ARHGAP28: variants seen among roughly 807,000 people sequenced by gnomAD.
ARHGAP28 encodes the protein Rho GTPase activating protein 28.
Under a neutral mutation model 90.7 loss-of-function variants are expected in ARHGAP28, and 56 were observed. The ratio of observed to expected loss-of-function variants is 0.62; its 90% confidence interval spans 0.50 to 0.77. The LOEUF is 0.77. Among genes scored for constraint, ARHGAP28 ranks in the 30% least tolerant of loss-of-function variants. The pLI is 0.00. For synonymous variants in ARHGAP28, 308 were observed against 323.3 expected (o/e 0.95, Z 0.51); for missense variants, 869 against 900.9 (o/e 0.96, Z 0.45).
intron 1 of ARHGAP28, among the ~76,000 whole-genome samples, chr18:6,798,413 C>T (rs1369302360): frequency 1.3e-5 from 2 of 152,102 alleles, no homozygotes; most frequent in East Asian, 1.9e-4. Flanking sequence ...AGGCTGGTCT[C>T]GAACTCCTGA....
intron 1 of ARHGAP28, among the ~76,000 whole-genome samples, chr18:6,806,236 C>A (rs2056518369): frequency 6.6e-6 from 1 of 152,014 alleles, no homozygotes; most frequent in South Asian, 2.1e-4. Context: ...TTTTTGGCTT[C>A]TTTTGGTTTA....
intron 1 of ARHGAP28, among the ~76,000 whole-genome samples, chr18:6,772,088 G>C (rs564738214): frequency 6.6e-6 from 1 of 152,146 alleles, no homozygotes; most frequent in South Asian, 2.1e-4. Flanking sequence ...CTGCCACCAA[G>C]GTAGGACTTA....
chr18:6,800,204 AAAC>A (rs1029437033), intron 1 of ARHGAP28, among the ~76,000 whole-genome samples: 6 of 152,216 alleles, frequency 3.9e-5, no homozygotes, highest in Admixed American at 1.3e-4. Context: ...AAAAGTCAGG[AAAC>A]AACCGATGCT....
At chr18:6,821,384 A>G (rs138851798) in intron 1 of ARHGAP28, among the ~76,000 whole-genome samples, 16 of 152,204 alleles carry the variant, frequency 1.1e-4, no homozygotes, top group Non-Finnish European at 1.8e-4. Context: ...TCAATTTGTC[A>G]TGTAATATTT....
intron 5 of ARHGAP28, among the ~76,000 whole-genome samples, chr18:6,863,619 C>CAAATATGTACAAA (rs2057014671): frequency 6.6e-6 from 1 of 151,654 alleles, no homozygotes; most frequent in Non-Finnish European, 1.5e-5. Context: ...ATGTTGAAAA[C>CAAATATGTACAAA]TCTGGGTTCT....
At chr18:6,859,627 C>T (rs1288104142) in intron 4 of ARHGAP28, among the ~76,000 whole-genome samples, 181 bp from the exon 5 acceptor site, 1 of 152,190 alleles carries the variant, frequency 6.6e-6, no homozygotes, top group African/African-American at 2.4e-5. Flanking sequence ...CCTTAGAGGG[C>T]TGGGCACCTA....
At chr18:6,859,384 G>A (rs888898031) in intron 4 of ARHGAP28, among the ~76,000 whole-genome samples, 3 of 152,112 alleles carry the variant, frequency 2.0e-5, no homozygotes, top group South Asian at 4.1e-4. Flanking sequence ...CCAGGCTGTC[G>A]TCTGTGGTCC....
intron 3 of ARHGAP28, among the ~76,000 whole-genome samples, chr18:6,845,219 C>T (rs1192713135): frequency 6.6e-6 from 1 of 152,166 alleles, no homozygotes; most frequent in African/African-American, 2.4e-5. Flanking sequence ...GCTGGGACTA[C>T]AACTGCACAT....
intron 5 of ARHGAP28, among the ~76,000 whole-genome samples, chr18:6,862,753 A>G (rs563561778): frequency 2.6e-5 from 4 of 152,314 alleles, no homozygotes; most frequent in African/African-American, 9.6e-5. Context: ...TTGGAGAGAG[A>G]ATCCACATCT....
At chr18:6,888,839 C>A (rs751816271) in intron 12 of ARHGAP28, among the ~76,000 whole-genome samples, 8 of 152,068 alleles carry the variant, frequency 5.3e-5, no homozygotes, top group Non-Finnish European at 8.8e-5. Context: ...ATTTTTTATT[C>A]TAAATTGTGA....
At chr18:6,873,636 C>G (rs368117611) in intron 8 of ARHGAP28, 48 bp from the exon 9 acceptor site, 1 of 1,605,788 alleles carries the variant, frequency 6.2e-7, no homozygotes, top group Non-Finnish European at 8.5e-7. Context: ...TAAGATAATG[C>G]TTTTCTAATT....
intron 3 of ARHGAP28, among the ~76,000 whole-genome samples, chr18:6,839,083 C>G (rs926886778): frequency 7.9e-5 from 12 of 151,734 alleles, no homozygotes; most frequent in African/African-American, 2.9e-4. Context: ...TGCTATGATA[C>G]TGCAGCAGTA....
Position 6,825,409 on chromosome 18 carries a change from T to A in ARHGAP28, c.325+445T>A, listed in dbSNP as rs185143398. Among the ~76,000 whole-genome samples, 11 of 152,248 alleles carry A rather than the reference T, an allele frequency of 7.2e-5. 1 individual carries two copies. The East Asian group carries it at 1.9e-3, about 27-fold the overall frequency. Reference sequence around the variant, plus strand: ...GCAGTATAATTGTGAAGAAGAAAAATTTGACCTTAAAGCATTTACTCATAT... The same window carrying A: ...GCAGTATAATTGTGAAGAAGAAAAAATTGACCTTAAAGCATTTACTCATAT... On this transcript the variant is annotated intron_variant, in intron 2 of 17. Coordinates refer to ENST00000383472, the MANE Select transcript of ARHGAP28 (RefSeq NM_001366230.1).
At chr18:6,854,742 G>GCTGCAGCTGCCCAC (rs34306680) in intron 4 of ARHGAP28, among the ~76,000 whole-genome samples, 6 of 151,016 alleles carry the variant, frequency 4.0e-5, no homozygotes, top group Non-Finnish European at 5.9e-5. Context: ...CCCAGGCACA[G>GCTGCAGCTGCCCAC]CTGCAGCTGC....
chr18:6,799,235 G>A (rs1600194846), intron 1 of ARHGAP28, among the ~76,000 whole-genome samples: 1 of 152,222 alleles, frequency 6.6e-6, no homozygotes, highest in African/African-American at 2.4e-5. Context: ...GGAAATAAGA[G>A]CAGACACAAA....
chr18:6,876,189 G>C lies in ARHGAP28; in HGVS notation c.1271G>C (p.Gly424Ala). ...LESEGIFRLS[G>A]CTAKVKQYRE... ...TCTGAAGGAATTTTTCGACTTTCAG[G>C]ATGTACTGCTAAAGTCAAGGTACCG... The change falls in exon 10 of 18, where the codon GGA (glycine) becomes GCA (alanine). Residue 424 changes from glycine to alanine, a missense_variant. By Grantham distance (60) the Gly-to-Ala change is moderately conservative. Transcript: ENST00000383472. 1 of 1,613,938 alleles carries C rather than the reference G, an allele frequency of 6.2e-7. No individual in the cohort carries two copies. Among genetic ancestry groups the C allele is most frequent in the Non-Finnish European group, 8.5e-7 (1 of 1,179,902 alleles).
intron 16 of ARHGAP28, among the ~76,000 whole-genome samples, chr18:6,904,895 T>A (rs1330919214): frequency 6.6e-6 from 1 of 152,192 alleles, no homozygotes; most frequent in Non-Finnish European, 1.5e-5. Flanking sequence ...AGCTGAATAG[T>A]GCTATAGCCA....
rs906336671 is a variant in ARHGAP28, at chr18:6,877,397, G to A, written c.1290+1189G>A. Among the ~76,000 whole-genome samples the A allele has an allele frequency of 3.9e-5, 6 of 152,340 alleles. No homozygotes were observed. In the East Asian group the frequency reaches 7.7e-4, roughly 20 times the overall value. On this transcript the variant is annotated intron_variant, in intron 10 of 17. Transcript: ENST00000383472. ...GACAATTCCTAACCATGGAGGAGCC[G>A]TGTGCTGGGCAGAATGGGCAAGGCC...
intron 1 of ARHGAP28, among the ~76,000 whole-genome samples, chr18:6,735,162 T>C (rs913913708): frequency 6.6e-6 from 1 of 152,226 alleles, no homozygotes; most frequent in African/African-American, 2.4e-5. Context: ...CTTTCTATTT[T>C]GATGTAATTT....
Sources: allele counts gnomAD v4.1 joint callset (sites outside exome capture counted in the v4.1 genomes callset), GRCh38; gene constraint gnomAD v4.1.1; transcripts MANE v1.5; gene names NCBI Gene and HGNC (gene_info 2026-07-23, HGNC 2026-07-21).